Variants in WASF1 observed in about 807,000 individuals in gnomAD.
WASF1 encodes the protein actin-binding protein WASF1.
A neutral mutation model predicts 50.5 loss-of-function variants in WASF1; 7 were observed. The observed-to-expected ratio is 0.14, with a 90% CI of 0.08 to 0.26. The LOEUF (loss-of-function observed/expected upper bound fraction) is 0.26, where lower values mean the gene tolerates loss of function less well. WASF1 is among the 10% of genes least tolerant of loss of function. The pLI is 1.00. For missense variants in WASF1, 470 were observed against 694.7 expected (o/e 0.68, Z 3.64); for synonymous variants, 205 against 244.0 (o/e 0.84, Z 1.49).
intron 2 of WASF1, among the ~76,000 whole-genome samples, chr6:110,172,228 G>A (rs112872146): frequency 0.013 from 1,940 of 152,222 alleles, 48 homozygotes; most frequent in African/African-American, 0.045. Flanking sequence ...AAAGACAAAT[G>A]CACACGTATG....
chr6:110,135,964 A>C (rs1774946354), intron 3 of WASF1, among the ~76,000 whole-genome samples: 1 of 146,870 alleles, frequency 6.8e-6, no homozygotes, highest in Non-Finnish European at 1.5e-5. Flanking sequence ...ACTCACTGCA[A>C]GCTCCGCCTC....
chr6:110,123,077 G>C (rs559970256), intron 4 of WASF1, among the ~76,000 whole-genome samples: 51 of 152,254 alleles, frequency 3.3e-4, no homozygotes, highest in African/African-American at 1.1e-3. Context: ...CCTGATGAGG[G>C]TTAGAGAAGA....
At chr6:110,112,560 A>G (rs1354509248) in intron 5 of WASF1, among the ~76,000 whole-genome samples, 1 of 152,194 alleles carries the variant, frequency 6.6e-6, no homozygotes, top group Non-Finnish European at 1.5e-5. Flanking sequence ...GCATTCAGTT[A>G]AATAACTAAT....
intron 7 of WASF1, among the ~76,000 whole-genome samples, chr6:110,106,528 C>T (rs961998658): frequency 2.0e-5 from 3 of 152,206 alleles, no homozygotes; most frequent in Admixed American, 1.3e-4. Flanking sequence ...TTATCATTAA[C>T]ATGAAATATA....
chr6:110,130,215 A>G (rs73535818), intron 3 of WASF1, among the ~76,000 whole-genome samples: 4,187 of 152,230 alleles, frequency 0.028, 184 homozygotes, highest in African/African-American at 0.095. Flanking sequence ...AAATGTAGAG[A>G]AAAAAAGCAT....
At chr6:110,107,899 G>A (rs528736473) in intron 6 of WASF1, among the ~76,000 whole-genome samples, 16 of 152,174 alleles carry the variant, frequency 1.1e-4, no homozygotes, top group African/African-American at 3.9e-4. Flanking sequence ...GGGCGCAGTG[G>A]CTCACGCCTG....
chr6:110,165,169 G>T (rs1776422977), intron 2 of WASF1, among the ~76,000 whole-genome samples: 1 of 151,460 alleles, frequency 6.6e-6, no homozygotes, highest in Admixed American at 6.6e-5. Context: ...CACCAAGAGT[G>T]ACCCTGGTAT....
At chr6:110,167,472 G>A (rs1424843878) in intron 2 of WASF1, among the ~76,000 whole-genome samples, 3 of 151,944 alleles carry the variant, frequency 2.0e-5, no homozygotes, top group Non-Finnish European at 2.9e-5. Context: ...CTGACCCTGC[G>A]TAGGCCTAGG....
At position 110,135,876 on chromosome 6, in the gene WASF1, CTTT is replaced by C. The variant is rs778710982; in HGVS notation, c.-28-8250_-28-8248del. On this transcript the variant is annotated intron_variant, in intron 3 of 10. Coordinates refer to ENST00000392589, the MANE Select transcript of WASF1 (RefSeq NM_003931.3). ...TCCATGAGAGAAAACAGTCCATTAT[CTTT>C]TTTTTTTTTTTTTTTTTTTTTTGAG... Among the ~76,000 whole-genome samples, 431 of 68,252 alleles carry C rather than the reference CTTT, an allele frequency of 6.3e-3. 1 individual carries two copies. The highest frequency in any genetic ancestry group is 0.026 in the African/African-American group (413 of 15,704). 44.8% of individuals were successfully genotyped at this position (68,252 alleles called of 152,430 possible).
intron 2 of WASF1, among the ~76,000 whole-genome samples, chr6:110,174,431 G>C (rs1776842996): frequency 6.6e-6 from 1 of 152,102 alleles, no homozygotes; most frequent in African/African-American, 2.4e-5. Context: ...TTTAACAAGG[G>C]GGACCCACTA....
At chr6:110,174,846 C>T (rs1348865127) in intron 2 of WASF1, among the ~76,000 whole-genome samples, 2 of 152,132 alleles carry the variant, frequency 1.3e-5, no homozygotes, top group Admixed American at 1.3e-4. Flanking sequence ...TCCCTCACAG[C>T]ACCCTGATCT....
At chr6:110,123,604 G>A (rs1774235055) in intron 4 of WASF1, among the ~76,000 whole-genome samples, 1 of 152,052 alleles carries the variant, frequency 6.6e-6, no homozygotes, top group Non-Finnish European at 1.5e-5. Context: ...AGCAAGAAAA[G>A]AGCCTTGAAG....
intron 5 of WASF1, 63 bp from the exon 6 acceptor site, chr6:110,108,744 A>T (rs1349858087): frequency 2.7e-6 from 4 of 1,477,220 alleles, no homozygotes; most frequent in Non-Finnish European, 3.7e-6. Context: ...CATAAGGGCA[A>T]ATTCACATAC....
At chr6:110,123,721 T>C (rs1279358145) in intron 4 of WASF1, among the ~76,000 whole-genome samples, 1 of 152,110 alleles carries the variant, frequency 6.6e-6, no homozygotes, top group Admixed American at 6.6e-5. Context: ...AGTTATTTGG[T>C]GATCAAGATA....
At chr6:110,144,824 G>C (rs1775462705) in intron 3 of WASF1, among the ~76,000 whole-genome samples, 1 of 152,168 alleles carries the variant, frequency 6.6e-6, no homozygotes, top group Non-Finnish European at 1.5e-5. Context: ...CTATCTCTCT[G>C]TTTTGGTACC....
At chr6:110,124,266 CTCTCTCTCTATA>C (rs1238032417) in intron 4 of WASF1, among the ~76,000 whole-genome samples, 6 of 62,592 alleles carry the variant, frequency 9.6e-5, no homozygotes, top group African/African-American at 3.4e-4. Flanking sequence ...CTCTCTCTCT[CTCTCTCTCTATA>C]TATATATATA....
intron 2 of WASF1, among the ~76,000 whole-genome samples, chr6:110,165,958 C>G (rs753245781): frequency 1.3e-5 from 2 of 151,568 alleles, no homozygotes; most frequent in Non-Finnish European, 3.0e-5. Flanking sequence ...GGAAGCAAAG[C>G]ACAAAAGTCA....
intron 3 of WASF1, among the ~76,000 whole-genome samples, chr6:110,152,673 A>T (rs76545485): frequency 7.9e-5 from 12 of 152,274 alleles, no homozygotes; most frequent in African/African-American, 2.4e-4. Context: ...CTGAGTCCCT[A>T]TGCAGAGAAT....
intron 3 of WASF1, among the ~76,000 whole-genome samples, chr6:110,151,151 A>G (rs1775805562): frequency 6.6e-6 from 1 of 152,238 alleles, no homozygotes; most frequent in Admixed American, 6.5e-5. Context: ...TAGGGTATAT[A>G]TACACATACA....
Sources: gnomAD v4.1 joint callset for allele counts (sites outside exome capture counted in the v4.1 genomes callset) on GRCh38, gnomAD v4.1.1 for gene constraint, MANE v1.5 for transcripts, NCBI Gene and HGNC (gene_info 2026-07-23, HGNC 2026-07-21) for gene names.